KCNN2: variants seen among roughly 807,000 people sequenced by gnomAD.
KCNN2 encodes the protein small conductance calcium-activated potassium channel protein 2.
KCNN2 carries 24 observed loss-of-function variants against 55.5 expected under a neutral mutation model. The observed-to-expected ratio is 0.43, with a 90% CI of 0.31 to 0.61. The LOEUF is 0.61. Among genes scored for constraint, KCNN2 ranks in the 20% least tolerant of loss-of-function variants. The pLI is 0.08. For missense variants in KCNN2, 754 were observed against 853.6 expected (o/e 0.88, Z 1.45); for synonymous variants, 431 against 336.1 (o/e 1.28, Z -3.09).
At chr5:114,449,889 C>G (rs1033562959) in intron 3 of KCNN2, among the ~76,000 whole-genome samples, 1 of 71,040 alleles carries the variant, frequency 1.4e-5, no homozygotes, top group Non-Finnish European at 3.4e-5. Context: ...TACACACACA[C>G]ACACACACAC....
At chr5:114,130,102 A>G (rs892112202) in intron 1 of KCNN2, among the ~76,000 whole-genome samples, 1 of 152,216 alleles carries the variant, frequency 6.6e-6, no homozygotes, top group African/African-American at 2.4e-5. Flanking sequence ...TCCTGCTATC[A>G]TTTAAGAATG....
At chr5:114,268,079 T>G (rs1485633755) in intron 2 of KCNN2, among the ~76,000 whole-genome samples, 1 of 152,220 alleles carries the variant, frequency 6.6e-6, no homozygotes, top group Non-Finnish European at 1.5e-5. Flanking sequence ...TCGCGTCATT[T>G]GCTGCCCAAA....
At chr5:114,438,692 G>A (rs995020461) in intron 3 of KCNN2, among the ~76,000 whole-genome samples, 1 of 152,100 alleles carries the variant, frequency 6.6e-6, no homozygotes, top group South Asian at 2.1e-4. Context: ...GACATTCCCC[G>A]AGCATGTTGT....
intron 1 of KCNN2, among the ~76,000 whole-genome samples, chr5:114,159,959 T>C (rs1302850933): frequency 1.3e-5 from 2 of 152,328 alleles, no homozygotes; most frequent in South Asian, 2.1e-4. Context: ...AACCAGCTCC[T>C]GGATTCATTG....
At chr5:114,150,554 C>G (rs1256080668) in intron 1 of KCNN2, among the ~76,000 whole-genome samples, 55 of 152,196 alleles carry the variant, frequency 3.6e-4, no homozygotes, top group Non-Finnish European at 7.3e-5. Context: ...CCCTTGTCAT[C>G]TTACACAAAG....
intron 1 of KCNN2, among the ~76,000 whole-genome samples, chr5:114,139,607 A>T (rs756494473): frequency 6.7e-6 from 1 of 150,152 alleles, no homozygotes; most frequent in Non-Finnish European, 1.5e-5. Context: ...TCTATATAAT[A>T]TATAAAAATA....
intron 1 of KCNN2, among the ~76,000 whole-genome samples, chr5:114,210,175 A>C (rs1422409297): frequency 6.6e-6 from 1 of 152,032 alleles, no homozygotes; most frequent in Non-Finnish European, 1.5e-5. Context: ...TAGTGTTCCT[A>C]AGGGCTAGAA....
chr5:114,348,141 T>C (rs1757146205), intron 2 of KCNN2, among the ~76,000 whole-genome samples: 1 of 152,102 alleles, frequency 6.6e-6, no homozygotes, highest in South Asian at 2.1e-4. Context: ...ACATATATTT[T>C]CTAAATTGCC....
At chr5:114,110,490 G>T (rs990875149) in intron 1 of KCNN2, among the ~76,000 whole-genome samples, 25 of 151,978 alleles carry the variant, frequency 1.6e-4, no homozygotes, top group African/African-American at 5.1e-4. Flanking sequence ...AAGCTACAAG[G>T]GGAGAGAGAC....
intron 2 of KCNN2, among the ~76,000 whole-genome samples, chr5:114,384,038 G>C (rs1164328090): frequency 1.3e-5 from 2 of 152,190 alleles, no homozygotes; most frequent in Non-Finnish European, 2.9e-5. Flanking sequence ...TAGCGAAGTT[G>C]AGAATCAAAT....
At chr5:114,222,702 A>G (rs1354987085) in intron 2 of KCNN2, among the ~76,000 whole-genome samples, 1 of 152,192 alleles carries the variant, frequency 6.6e-6, no homozygotes, top group Non-Finnish European at 1.5e-5. Context: ...CAGTGATTAA[A>G]AAAAAGAAGC....
intron 2 of KCNN2, among the ~76,000 whole-genome samples, chr5:114,250,326 G>A (rs911171330): frequency 3.3e-5 from 5 of 152,104 alleles, no homozygotes; most frequent in African/African-American, 1.2e-4. Flanking sequence ...ACTTGACAGA[G>A]CTTCTTCATT....
At chr5:114,140,048 T>G (rs562408330) in intron 1 of KCNN2, among the ~76,000 whole-genome samples, 1 of 152,282 alleles carries the variant, frequency 6.6e-6, no homozygotes, top group Non-Finnish European at 1.5e-5. Flanking sequence ...GTTTTACAAG[T>G]CAATTATTTT....
intron 4 of KCNN2, among the ~76,000 whole-genome samples, chr5:114,467,327 C>T (rs1175219972): frequency 2.0e-5 from 3 of 152,158 alleles, no homozygotes; most frequent in Admixed American, 6.5e-5. Flanking sequence ...TGTTTTCCCC[C>T]GCCAGTGTAC....
At chr5:114,249,001 A>T (rs1205762634) in intron 2 of KCNN2, among the ~76,000 whole-genome samples, 1 of 152,184 alleles carries the variant, frequency 6.6e-6, no homozygotes, top group East Asian at 1.9e-4. Context: ...ATGAATGATC[A>T]CCCTAGTACA....
intron 3 of KCNN2, among the ~76,000 whole-genome samples, chr5:114,453,084 A>G (rs969942555): frequency 6.6e-6 from 1 of 152,174 alleles, no homozygotes. Flanking sequence ...CACTTGCCCT[A>G]CAGCCACATG....
chr5:114,446,852 A>G (rs1232356531), intron 3 of KCNN2, among the ~76,000 whole-genome samples: 1 of 151,920 alleles, frequency 6.6e-6, no homozygotes, highest in African/African-American at 2.4e-5. Flanking sequence ...CAGTGAGCCG[A>G]GATCACACCA....
At chr5:114,093,120 T>A (rs1490338901) in intron 1 of KCNN2, among the ~76,000 whole-genome samples, 1 of 152,174 alleles carries the variant, frequency 6.6e-6, no homozygotes, top group Non-Finnish European at 1.5e-5. Flanking sequence ...TAAGTTCCAA[T>A]TTCAGATCAT....
chr5:114,068,859 G>C (rs2112522110), intron 1 of KCNN2, among the ~76,000 whole-genome samples: 1 of 151,866 alleles, frequency 6.6e-6, no homozygotes, highest in South Asian at 2.1e-4. Context: ...TGTTGCCCAG[G>C]CTGGAGTGCA....
Sources: allele counts gnomAD v4.1 joint callset (sites outside exome capture counted in the v4.1 genomes callset), GRCh38; gene constraint gnomAD v4.1.1; transcripts MANE v1.5; gene names NCBI Gene and HGNC (gene_info 2026-07-23, HGNC 2026-07-21).